Variants in TRDN observed in about 807,000 individuals in gnomAD.
The protein encoded by TRDN is triadin.
A neutral mutation model predicts 149.7 loss-of-function variants in TRDN; 161 were observed. That is an observed-to-expected ratio of 1.08 (90% CI 0.95 to 1.23). The LOEUF is 1.23. TRDN is among the 50% of genes most tolerant of loss of function. The pLI, the probability that TRDN is intolerant of heterozygous loss-of-function variation, is 0.00. For missense variants in TRDN, 896 were observed against 823.5 expected (o/e 1.09, Z -1.08); for synonymous variants, 294 against 250.5 (o/e 1.17, Z -1.64).
chr6:123,390,955 C>A (rs1782089165), intron 13 of TRDN, among the ~76,000 whole-genome samples: 1 of 152,066 alleles, frequency 6.6e-6, no homozygotes, highest in Admixed American at 6.6e-5. Flanking sequence ...AATACACTAA[C>A]ACAGAGTGCA....
intron 1 of TRDN, among the ~76,000 whole-genome samples, chr6:123,602,296 G>T (rs1819159): frequency 0.25 from 37,688 of 151,908 alleles, 4,859 homozygotes; most frequent in East Asian, 0.47. Context: ...GATGGAGCTG[G>T]GGGCATTATT....
chr6:123,336,391 A>G (rs1289892696), intron 22 of TRDN, among the ~76,000 whole-genome samples: 1 of 152,000 alleles, frequency 6.6e-6, no homozygotes, highest in African/African-American at 2.4e-5. Context: ...AGTAGGTATC[A>G]AGGTGCCTGG....
At chr6:123,450,349 G>A (rs547852897) in intron 10 of TRDN, among the ~76,000 whole-genome samples, 102 of 152,018 alleles carry the variant, frequency 6.7e-4, no homozygotes, top group Non-Finnish European at 1.3e-3. Context: ...ACTCACCTAA[G>A]ACTTAAGGAC....
At chr6:123,340,809 C>T (rs556162235) in intron 21 of TRDN, among the ~76,000 whole-genome samples, 46 of 152,016 alleles carry the variant, frequency 3.0e-4, no homozygotes, top group Admixed American at 2.0e-3. Flanking sequence ...CTGATAATTT[C>T]CCAGAGTGTA....
intron 24 of TRDN, among the ~76,000 whole-genome samples, chr6:123,279,875 G>A (rs1343924655): frequency 6.6e-6 from 1 of 151,924 alleles, no homozygotes; most frequent in Non-Finnish European, 1.5e-5. Context: ...AACTATCCTA[G>A]TAACTTTTTC....
At chr6:123,622,801 A>G (rs1562137780) in intron 1 of TRDN, among the ~76,000 whole-genome samples, 1 of 152,104 alleles carries the variant, frequency 6.6e-6, no homozygotes, top group Non-Finnish European at 1.5e-5. Flanking sequence ...TTGAAAATAC[A>G]TTTGTCATCA....
At chr6:123,583,206 C>T (rs961191570) in intron 1 of TRDN, among the ~76,000 whole-genome samples, 9 of 152,070 alleles carry the variant, frequency 5.9e-5, no homozygotes, top group African/African-American at 2.2e-4. Context: ...CTTGGAGAAA[C>T]TGTAAACCGG....
intron 12 of TRDN, among the ~76,000 whole-genome samples, chr6:123,428,474 CTGA>C (rs766649117): frequency 6.6e-6 from 1 of 152,098 alleles, no homozygotes; most frequent in Non-Finnish European, 1.5e-5. Flanking sequence ...GGTAAATCTC[CTGA>C]TGATATTGTG....
intron 5 of TRDN, among the ~76,000 whole-genome samples, chr6:123,520,214 A>C (rs1779607367): frequency 6.6e-6 from 1 of 152,280 alleles, no homozygotes; most frequent in African/African-American, 2.4e-5. Context: ...TTGAGTTAAA[A>C]ATCTTCTTAA....
chr6:123,550,553 T>C (rs1226094526), intron 2 of TRDN, among the ~76,000 whole-genome samples: 1 of 152,004 alleles, frequency 6.6e-6, no homozygotes, highest in Non-Finnish European at 1.5e-5. Context: ...TTTATGCATA[T>C]GACAGAGATT....
chr6:123,544,927 G>A (rs1043569862), intron 4 of TRDN, among the ~76,000 whole-genome samples: 5 of 151,698 alleles, frequency 3.3e-5, no homozygotes, highest in African/African-American at 7.3e-5. Context: ...GAGATTAGTC[G>A]ACTACACCAT....
At chr6:123,354,000 T>G (rs947096889) in intron 20 of TRDN, among the ~76,000 whole-genome samples, 1 of 151,816 alleles carries the variant, frequency 6.6e-6, no homozygotes, top group Non-Finnish European at 1.5e-5. Flanking sequence ...ATATTAGGGT[T>G]AGGACAGTGG....
chr6:123,260,138 G>C (rs986103292), intron 34 of TRDN, among the ~76,000 whole-genome samples: 1 of 151,736 alleles, frequency 6.6e-6, no homozygotes, highest in African/African-American at 2.4e-5. Context: ...GACAAGCTAG[G>C]ATAAGCCATG....
At chr6:123,223,422 T>C (rs1171035997) in intron 39 of TRDN, among the ~76,000 whole-genome samples, 1 of 151,756 alleles carries the variant, frequency 6.6e-6, no homozygotes, top group Non-Finnish European at 1.5e-5. Context: ...CATACACATG[T>C]ACCCCTAAAC....
intron 38 of TRDN, among the ~76,000 whole-genome samples, chr6:123,232,147 G>T (rs1019467720): frequency 9.9e-5 from 15 of 151,804 alleles, no homozygotes; most frequent in South Asian, 2.1e-4. Context: ...AGAGAGCTGA[G>T]GTTGGAAGAA....
At chr6:123,566,307 A>G (rs913168094) in intron 2 of TRDN, among the ~76,000 whole-genome samples, 1 of 152,214 alleles carries the variant, frequency 6.6e-6, no homozygotes, top group African/African-American at 2.4e-5. Context: ...GTTCCTAGTC[A>G]TGTTAGCTTG....
intron 1 of TRDN, among the ~76,000 whole-genome samples, chr6:123,610,721 C>T (rs1056141982): frequency 6.6e-5 from 10 of 152,122 alleles, no homozygotes; most frequent in Non-Finnish European, 5.9e-5. Context: ...CAAATGCCTC[C>T]TCTTTTTCTT....
rs1327391241 is a variant in TRDN, at chr6:123,337,634, T to C, written c.1405A>G (p.Ile469Val). 8 of 1,431,872 alleles carry C rather than the reference T, an allele frequency of 5.6e-6. No homozygotes were observed. In the South Asian group the frequency reaches 7.0e-5, roughly 12 times the overall value. 88.7% of individuals were successfully genotyped at this position (1,431,872 alleles called of 1,614,324 possible). ...ACTCTGTTACCTTTATCTTTCAGAA[T>C]TGAAGAAGTCTTCCCAGATTTTTCT... ...RKEKSGKTSS[I>V]LKDKEPIKGK... Residue 469 changes from isoleucine to valine, a missense_variant, in exon 22 of 41, where the codon ATT becomes GTT. By Grantham distance (29) the Ile-to-Val change is conservative. Coordinates refer to ENST00000334268, the MANE Select transcript of TRDN (RefSeq NM_006073.4).
intron 29 of TRDN, among the ~76,000 whole-genome samples, chr6:123,272,750 A>G (rs1271529257): frequency 6.6e-6 from 1 of 151,914 alleles, no homozygotes; most frequent in African/African-American, 2.4e-5. Flanking sequence ...TCTGGTGGGA[A>G]GGGAAGACTA....
Sources: gnomAD v4.1 joint callset for allele counts (sites outside exome capture counted in the v4.1 genomes callset) on GRCh38, gnomAD v4.1.1 for gene constraint, MANE v1.5 for transcripts, NCBI Gene and HGNC (gene_info 2026-07-23, HGNC 2026-07-21) for gene names.